Variants in STXBP6 observed in about 807,000 individuals in gnomAD.
The protein encoded by STXBP6 is syntaxin binding protein 6.
A neutral mutation model predicts 26.9 loss-of-function variants in STXBP6; 21 were observed. The ratio of observed to expected loss-of-function variants is 0.78; its 90% CI spans 0.55 to 1.12. STXBP6 has a LOEUF of 1.12. Among genes scored for constraint, STXBP6 ranks in the 50% most tolerant of loss-of-function variants. The pLI is 0.00. For synonymous variants in STXBP6, 97 were observed against 92.6 expected (o/e 1.05, Z -0.27); for missense variants, 232 against 257.9 (o/e 0.90, Z 0.69).
chr14:25,044,737 G>A lies in STXBP6; in HGVS notation c.-33+5141C>T, dbSNP rs1315294057. On this transcript the variant is annotated intron_variant, in intron 1 of 5. Transcript: ENST00000323944. ...ATTACAGGCATGAGCAACCAAGCCT[G>A]GGCTTAATAGGTTCTTTGACCACCA... Among the ~76,000 whole-genome samples, 4 of 152,224 alleles carry A rather than the reference G, an allele frequency of 2.6e-5. No homozygotes were observed. The East Asian group carries it at 7.7e-4, about 29-fold the overall frequency.
intron 2 of STXBP6, among the ~76,000 whole-genome samples, chr14:24,903,660 C>A (rs993960910): frequency 6.6e-6 from 1 of 152,134 alleles, no homozygotes; most frequent in African/African-American, 2.4e-5. Context: ...AAATAATCTA[C>A]AAAATAATGC....
intron 4 of STXBP6, among the ~76,000 whole-genome samples, chr14:24,846,182 G>A (rs909844992): frequency 6.6e-6 from 1 of 152,152 alleles, no homozygotes; most frequent in Non-Finnish European, 1.5e-5. Context: ...ACTCAAGACT[G>A]AACTATCTTT....
intron 4 of STXBP6, among the ~76,000 whole-genome samples, chr14:24,849,049 TG>T (rs1208701348): frequency 2.6e-5 from 4 of 152,152 alleles, no homozygotes; most frequent in Non-Finnish European, 5.9e-5. Context: ...CATTTGTGTT[TG>T]ATGCAGTGGG....
intron 1 of STXBP6, among the ~76,000 whole-genome samples, chr14:25,024,868 T>G (rs1595340243): frequency 6.6e-6 from 1 of 152,230 alleles, no homozygotes. Flanking sequence ...TGAAGCATTA[T>G]TATAGGCCTT....
intron 1 of STXBP6, among the ~76,000 whole-genome samples, chr14:25,028,481 A>G (rs191151333): frequency 6.6e-6 from 1 of 152,244 alleles, no homozygotes; most frequent in African/African-American, 2.4e-5. Context: ...GAATATTTTA[A>G]GCTCATTGTT....
chr14:24,996,898 G>A (rs1023730467), intron 1 of STXBP6, among the ~76,000 whole-genome samples: 3 of 147,560 alleles, frequency 2.0e-5, no homozygotes, highest in Non-Finnish European at 3.0e-5. Flanking sequence ...AGAAGGGAAC[G>A]CAGGGGAGAG....
At chr14:24,851,890 G>A (rs1457693608) in intron 4 of STXBP6, among the ~76,000 whole-genome samples, 1 of 152,056 alleles carries the variant, frequency 6.6e-6, no homozygotes, top group Non-Finnish European at 1.5e-5. Flanking sequence ...CCAATGACAG[G>A]GTTGGTCCAG....
intron 1 of STXBP6, among the ~76,000 whole-genome samples, chr14:25,039,834 G>A (rs2075614309): frequency 1.3e-5 from 2 of 151,980 alleles, no homozygotes; most frequent in Non-Finnish European, 2.9e-5. Context: ...AGCCTCCCGA[G>A]TAGCTGGGAT....
chr14:24,920,549 T>G (rs1759508211), intron 2 of STXBP6, among the ~76,000 whole-genome samples: 1 of 152,054 alleles, frequency 6.6e-6, no homozygotes. Context: ...CGCACATTTC[T>G]AGAGATTCCC....
intron 5 of STXBP6, among the ~76,000 whole-genome samples, chr14:24,818,394 C>T (rs958344642): frequency 5.3e-5 from 8 of 152,150 alleles, no homozygotes; most frequent in African/African-American, 1.9e-4. Context: ...GCAGAGTGCG[C>T]ACTCAGTCAC....
intron 1 of STXBP6, among the ~76,000 whole-genome samples, chr14:24,980,528 C>T (rs1176686220): frequency 6.6e-6 from 1 of 152,158 alleles, no homozygotes; most frequent in Non-Finnish European, 1.5e-5. Flanking sequence ...GTCAGATATG[C>T]TATTAGAATA....
intron 2 of STXBP6, among the ~76,000 whole-genome samples, chr14:24,919,087 A>C (rs992751719): frequency 6.6e-6 from 1 of 152,086 alleles, no homozygotes; most frequent in African/African-American, 2.4e-5. Flanking sequence ...CTCCTTCCTC[A>C]GGAACACAGC....
intron 4 of STXBP6, among the ~76,000 whole-genome samples, chr14:24,848,913 A>G (rs1307361975): frequency 2.0e-5 from 3 of 152,144 alleles, no homozygotes; most frequent in Non-Finnish European, 4.4e-5. Context: ...GTCATCCTCA[A>G]CTTAAAAAAT....
At chr14:24,983,355 C>G (rs547042943) in intron 1 of STXBP6, among the ~76,000 whole-genome samples, 2 of 152,306 alleles carry the variant, frequency 1.3e-5, no homozygotes, top group Admixed American at 6.5e-5. Flanking sequence ...ACATCACTTA[C>G]AGCAGACAGC....
intron 3 of STXBP6, 147 bp downstream of exon 3, chr14:24,856,880 C>T (rs1197514197): frequency 1.1e-6 from 1 of 944,540 alleles, no homozygotes; most frequent in Non-Finnish European, 1.5e-6. Context: ...AGAAAGGACT[C>T]TGTATCCGAA....
intron 1 of STXBP6, among the ~76,000 whole-genome samples, chr14:24,994,061 G>T (rs1886053): frequency 1.3e-5 from 2 of 152,192 alleles, no homozygotes; most frequent in Non-Finnish European, 2.9e-5. Context: ...AAATATCCCA[G>T]GTCCCCAGTT....
chr14:24,842,641 C>A (rs539371162), intron 4 of STXBP6, among the ~76,000 whole-genome samples: 1 of 151,838 alleles, frequency 6.6e-6, no homozygotes, highest in South Asian at 2.1e-4. Context: ...CATTGCCCAG[C>A]AAAGGTAATA....
At chr14:24,880,992 T>A (rs2070335846) in intron 2 of STXBP6, among the ~76,000 whole-genome samples, 1 of 152,234 alleles carries the variant, frequency 6.6e-6, no homozygotes, top group Admixed American at 6.5e-5. Context: ...TCAGATACTA[T>A]CCTACTGTTT....
At chr14:25,037,214 G>C (rs935631289) in intron 1 of STXBP6, among the ~76,000 whole-genome samples, 1 of 152,174 alleles carries the variant, frequency 6.6e-6, no homozygotes, top group African/African-American at 2.4e-5. Context: ...TGTCTCCACA[G>C]AGCCCCATTT....
Sources: allele counts gnomAD v4.1 joint callset (sites outside exome capture counted in the v4.1 genomes callset), GRCh38; gene constraint gnomAD v4.1.1; transcripts MANE v1.5; gene names NCBI Gene and HGNC (gene_info 2026-07-23, HGNC 2026-07-21).